ATP6AP2: variants seen among roughly 807,000 people sequenced by gnomAD.
ATP6AP2 encodes renin receptor.
A neutral mutation model predicts 23.4 loss-of-function variants in ATP6AP2; 1 was observed. The observed-to-expected ratio is 0.04, with a 90% CI of 0.02 to 0.20. ATP6AP2 has a LOEUF of 0.20. Among genes scored for constraint, ATP6AP2 ranks in the 10% least tolerant of loss-of-function variants. The pLI is 1.00. For missense variants in ATP6AP2, 174 were observed against 271.3 expected (o/e 0.64, Z 2.52); for synonymous variants, 90 against 97.1 (o/e 0.93, Z 0.43).
chrX:40,593,985 T>C (rs1926714644), intron 3 of ATP6AP2, among the ~76,000 whole-genome samples: 2 of 111,968 alleles, frequency 1.8e-5, no homozygotes, highest in Admixed American at 1.9e-4. Context: ...TGCTGGATCA[T>C]GCTTTAGTGA....
chrX:40,598,424 G>A, intron 5 of ATP6AP2: 1 of 384,026 alleles, frequency 2.6e-6, no homozygotes, highest in East Asian at 4.5e-5. Flanking sequence ...GAACTTGGAT[G>A]CTTTATCATG....
chrX:40,601,636 A>C (rs1234630618), intron 8 of ATP6AP2, among the ~76,000 whole-genome samples: 1 of 111,679 alleles, frequency 9.0e-6, no homozygotes, highest in Non-Finnish European at 1.9e-5. Flanking sequence ...GGGAAAGAGT[A>C]GTGTAGATGC....
intron 8 of ATP6AP2, among the ~76,000 whole-genome samples, chrX:40,602,007 T>C (rs73623101): frequency 0.01 from 949 of 91,344 alleles, 28 homozygotes; most frequent in African/African-American, 0.049. Context: ...TTGGGCTGGG[T>C]GTGGTGGCTC....
intron 1 of ATP6AP2, among the ~76,000 whole-genome samples, chrX:40,583,560 T>G (rs990394046): frequency 3.0e-4 from 33 of 111,445 alleles, no homozygotes; most frequent in Non-Finnish European, 5.7e-5. Flanking sequence ...ATGCTTTGGG[T>G]TTTGCCTCAG....
chrX:40,584,770 C>T (rs1602396486), intron 1 of ATP6AP2, among the ~76,000 whole-genome samples: 1 of 111,406 alleles, frequency 9.0e-6, no homozygotes, highest in African/African-American at 3.3e-5. Flanking sequence ...CCACATCTGT[C>T]TAACTTGTGT....
chrX:40,594,517 A>AT (rs1436697929), intron 3 of ATP6AP2, among the ~76,000 whole-genome samples: 1 of 112,814 alleles, frequency 8.9e-6, no homozygotes, highest in African/African-American at 3.2e-5. Flanking sequence ...AAATTTTGAT[A>AT]TAACTATTGG....
At chrX:40,598,583 C>A in intron 5 of ATP6AP2, 98 bp from the exon 6 acceptor site, 1 of 793,006 alleles carries the variant, frequency 1.3e-6, no homozygotes, top group Non-Finnish European at 1.9e-6. Context: ...CTTATATGAT[C>A]AACATTTGTA....
chrX:40,581,353 T>C (rs1374906138), intron 1 of ATP6AP2, among the ~76,000 whole-genome samples: 1 of 113,159 alleles, frequency 8.8e-6, no homozygotes, highest in Non-Finnish European at 1.9e-5. Flanking sequence ...CCCTCCACTT[T>C]GAGGGCGGCG....
At chrX:40,584,113 G>A (rs1483058877) in intron 1 of ATP6AP2, among the ~76,000 whole-genome samples, 1 of 111,567 alleles carries the variant, frequency 9.0e-6, no homozygotes, top group African/African-American at 3.3e-5. Context: ...GTCTCACTCC[G>A]TCACCCAGGC....
Position 40,597,321 on chromosome X carries a change from T to C in ATP6AP2, c.373T>C (p.Leu125=). ...SLFSEETPVV[L]QLAPSEERVY... ...ATTTTCTGAGGAAACTCCTGTTGTT[T>C]TGCAGTTGGCTCCCAGTGAGGAAGT... Residue 125 remains leucine, a synonymous_variant, in exon 4 of 9, where the codon TTG becomes CTG. Coordinates refer to ENST00000636580, the MANE Select transcript of ATP6AP2 (RefSeq NM_005765.3). 2 of 1,203,176 alleles carry C rather than the reference T, an allele frequency of 1.7e-6. No homozygotes were observed. The highest frequency in any genetic ancestry group is 1.1e-6 in the Non-Finnish European group (1 of 887,579).
At chrX:40,596,893 T>A (rs1210776324) in intron 3 of ATP6AP2, 1 of 145,376 alleles carries the variant, frequency 6.9e-6, no homozygotes, top group Non-Finnish European at 1.3e-5. Context: ...TTAAATACTT[T>A]ATTGTGGAAT....
At chrX:40,587,513 C>A (rs779123961) in intron 1 of ATP6AP2, among the ~76,000 whole-genome samples, 1 of 112,302 alleles carries the variant, frequency 8.9e-6, no homozygotes, top group East Asian at 2.8e-4. Flanking sequence ...AACCTGAAGC[C>A]TTTTATTTAC....
In ATP6AP2 at chrX:40,597,597, A is replaced by G. The variant is rs767999388; in HGVS notation, c.467A>G (p.Asn156Ser). The change falls in exon 5 of 9, where the codon AAT becomes AGT. Residue 156 changes from asparagine to serine, a missense_variant. By Grantham distance (46) the Asn-to-Ser change is conservative (BLOSUM62 1). Coordinates refer to ENST00000636580, the MANE Select transcript of ATP6AP2 (RefSeq NM_005765.3). ...DLSVTLRQLR[N>S]RLFQENSVLS... ...TCAGTCACCTTGCGCCAGCTCCGTA[A>G]TCGCCTGTTTCAAGAAAACTCTGTT... 1 of 1,210,075 alleles carries G rather than the reference A, an allele frequency of 8.3e-7. No homozygotes were observed. Among genetic ancestry groups the G allele is most frequent in the Non-Finnish European group, 1.1e-6 (1 of 893,862 alleles).
At chrX:40,600,931 TA>T (rs10590549) in intron 8 of ATP6AP2, 50 bp downstream of exon 8, 1,400 of 958,433 alleles carry the variant, frequency 1.5e-3, no homozygotes, top group Admixed American at 6.8e-3. Flanking sequence ...TAACTTCTTA[TA>T]AAAAAAAAAA....
Position 40,605,786 on chromosome X carries a change from G to T in ATP6AP2, c.*31G>T, listed in dbSNP as rs770992212. The T allele has an allele frequency of 2.6e-6, 3 of 1,136,893 alleles. No individual in the cohort carries two copies. Among genetic ancestry groups the T allele is most frequent in the Non-Finnish European group, 3.6e-6 (3 of 830,147 alleles). 93.7% of individuals were successfully genotyped at this position (1,136,893 alleles called of 1,213,427 possible). A position where few individuals can be genotyped will look rare whatever the true frequency, so the allele number is the denominator to read the frequency against. ...ACCTGTGCCAGAATTAGAAAAGGGG[G>T]TTGGAAATTGGCTGTTTTGTTAAAA... On this transcript the variant is annotated 3_prime_UTR_variant, in exon 9 of 9. Coordinates refer to ENST00000636580, the MANE Select transcript of ATP6AP2 (RefSeq NM_005765.3).
At position 40,605,714 on chromosome X, in the gene ATP6AP2, A is replaced by G. The variant is rs1927055346; in HGVS notation, c.1012A>G (p.Ile338Val). 8.3e-7 allele frequency: 1 copy of G among 1,208,475 alleles called. No homozygotes were observed. The highest frequency in any genetic ancestry group is 1.1e-6 in the Non-Finnish European group (1 of 893,797). The change falls in exon 9 of 9, where the codon ATC (isoleucine) becomes GTC (valine). Residue 338 changes from isoleucine to valine, a missense_variant. Ile to Val is a conservative substitution (Grantham distance 29). Coordinates refer to ENST00000636580, the MANE Select transcript of ATP6AP2 (RefSeq NM_005765.3). ...IWNMDPGYDS[I>V]IYRMTNQKIR... ...GAACATGGATCCTGGATATGATAGC[A>G]TCATTTATAGGATGACAAACCAGAA...
chrX:40,581,924 G>A (rs765259617), intron 1 of ATP6AP2, among the ~76,000 whole-genome samples: 2 of 112,156 alleles, frequency 1.8e-5, no homozygotes, highest in East Asian at 5.6e-4. Flanking sequence ...ACACTAAACA[G>A]GTTGGGTGCT....
At chrX:40,593,951 G>GAT (rs1197734422) in intron 3 of ATP6AP2, among the ~76,000 whole-genome samples, 1 of 111,893 alleles carries the variant, frequency 8.9e-6, no homozygotes, top group Non-Finnish European at 1.9e-5. Flanking sequence ...AATTGCTTTG[G>GAT]ATATATATAC....
intron 8 of ATP6AP2, 191 bp downstream of exon 8, chrX:40,601,072 A>C (rs1926893700): frequency 2.3e-6 from 1 of 427,993 alleles, no homozygotes; most frequent in Non-Finnish European, 4.0e-6. Flanking sequence ...TCAGTTCTTT[A>C]GGGTTATAAT....
Sources: gnomAD v4.1 joint callset for allele counts (sites outside exome capture counted in the v4.1 genomes callset) on GRCh38, gnomAD v4.1.1 for gene constraint, MANE v1.5 for transcripts, NCBI Gene and HGNC (gene_info 2026-07-23, HGNC 2026-07-21) for gene names.